Variants in LRRC4C observed in about 807,000 individuals in gnomAD.
The protein encoded by LRRC4C is leucine-rich repeat-containing protein 4C.
Under a neutral mutation model 33.6 loss-of-function variants are expected in LRRC4C, and 5 were observed. The ratio of observed to expected loss-of-function variants is 0.15; its 90% confidence interval spans 0.08 to 0.31. LRRC4C has a LOEUF of 0.31. Ranked by LOEUF, LRRC4C falls within the 10% of genes least tolerant of loss-of-function variation. The pLI, the probability that LRRC4C is intolerant of heterozygous loss-of-function variation, is 1.00. For missense variants in LRRC4C, 560 were observed against 796.7 expected (o/e 0.70, Z 3.58); for synonymous variants, 329 against 302.0 (o/e 1.09, Z -0.93).
chr11:41,245,249 C>T (rs180861450), intron 1 of LRRC4C, among the ~76,000 whole-genome samples: 5 of 152,310 alleles, frequency 3.3e-5, no homozygotes, highest in Non-Finnish European at 5.9e-5. Context: ...GAGTTTTGCT[C>T]GGCCTGCTGG....
chr11:41,145,217 G>A (rs1211086359), intron 1 of LRRC4C, among the ~76,000 whole-genome samples: 1 of 152,024 alleles, frequency 6.6e-6, no homozygotes, highest in Admixed American at 6.6e-5. Context: ...ATACACTTTT[G>A]TCAATTTTTG....
chr11:41,340,818 C>A (rs1409013731), intron 1 of LRRC4C, among the ~76,000 whole-genome samples: 7 of 152,184 alleles, frequency 4.6e-5, no homozygotes, highest in African/African-American at 1.7e-4. Flanking sequence ...TGTGCACTTA[C>A]TAAATACTAG....
chr11:40,786,950 G>C lies in LRRC4C; in HGVS notation c.-406-138672C>G, dbSNP rs190125596. On this transcript the variant is annotated intron_variant, in intron 2 of 6. Coordinates refer to ENST00000528697, the MANE Select transcript of LRRC4C (RefSeq NM_001258419.2). ...AAGTAGGTCTTGGTCAAGGTTTTTG[G>C]TTCCTCCCTTGAGAAATCCTCAATA... Among the ~76,000 whole-genome samples, 11 of 152,090 alleles carry C rather than the reference G, an allele frequency of 7.2e-5. No individual in the cohort carries two copies. The South Asian group carries it at 2.3e-3, about 32-fold the overall frequency.
chr11:40,135,277 C>G (rs758807108), intron 6 of LRRC4C, among the ~76,000 whole-genome samples: 1 of 152,112 alleles, frequency 6.6e-6, no homozygotes, highest in Non-Finnish European at 1.5e-5. Flanking sequence ...TAAGGCAGTC[C>G]TCATTTTGCT....
intron 3 of LRRC4C, among the ~76,000 whole-genome samples, chr11:40,354,941 C>T (rs1375997522): frequency 6.6e-6 from 1 of 152,082 alleles, no homozygotes; most frequent in East Asian, 1.9e-4. Flanking sequence ...TAGGAATGTG[C>T]TGGGTCACAC....
At chr11:41,191,496 A>G (rs1201544137) in intron 1 of LRRC4C, among the ~76,000 whole-genome samples, 1 of 152,166 alleles carries the variant, frequency 6.6e-6, no homozygotes, top group Admixed American at 6.6e-5. Context: ...AGTGGACACC[A>G]GTTTCTATCA....
chr11:41,399,126 T>G (rs1454130244), intron 1 of LRRC4C, among the ~76,000 whole-genome samples: 1 of 152,000 alleles, frequency 6.6e-6, no homozygotes, highest in East Asian at 1.9e-4. Flanking sequence ...CATATGAGAT[T>G]GCACCTCAGT....
chr11:41,349,062 T>C (rs1951890901), intron 1 of LRRC4C, among the ~76,000 whole-genome samples: 1 of 152,162 alleles, frequency 6.6e-6, no homozygotes, highest in Non-Finnish European at 1.5e-5. Flanking sequence ...GTCTTTCCTG[T>C]AGGATGGGGT....
chr11:41,040,978 C>T (rs1167732192), intron 1 of LRRC4C, among the ~76,000 whole-genome samples: 1 of 152,086 alleles, frequency 6.6e-6, no homozygotes, highest in Non-Finnish European at 1.5e-5. Context: ...CACCATCACA[C>T]CACCTGGGTT....
chr11:40,678,867 G>C (rs1375920114), intron 2 of LRRC4C, among the ~76,000 whole-genome samples: 4 of 151,904 alleles, frequency 2.6e-5, no homozygotes, highest in Non-Finnish European at 4.4e-5. Flanking sequence ...TACTGGGTAG[G>C]GGGGTGCTAC....
At chr11:40,862,202 A>G (rs1000038928) in intron 2 of LRRC4C, among the ~76,000 whole-genome samples, 1 of 152,220 alleles carries the variant, frequency 6.6e-6, no homozygotes, top group Non-Finnish European at 1.5e-5. Flanking sequence ...ACACTATTCT[A>G]TAGTATATTA....
chr11:41,015,121 T>C (rs575713978), intron 1 of LRRC4C, among the ~76,000 whole-genome samples: 10 of 152,322 alleles, frequency 6.6e-5, no homozygotes, highest in Admixed American at 4.6e-4. Context: ...GAACATTCTC[T>C]AGTTTAAATG....
chr11:40,486,241 A>G (rs1473835186), intron 3 of LRRC4C, among the ~76,000 whole-genome samples: 3 of 151,816 alleles, frequency 2.0e-5, no homozygotes, highest in African/African-American at 7.3e-5. Context: ...GATGAAAACT[A>G]CACATAAGTT....
At chr11:40,558,333 G>T (rs1957409848) in intron 3 of LRRC4C, among the ~76,000 whole-genome samples, 1 of 152,124 alleles carries the variant, frequency 6.6e-6, no homozygotes, top group African/African-American at 2.4e-5. Context: ...TCAGCGTAGG[G>T]ATACAATTTT....
At chr11:41,235,344 G>T (rs10768673) in intron 1 of LRRC4C, among the ~76,000 whole-genome samples, 1 of 151,714 alleles carries the variant, frequency 6.6e-6, no homozygotes, top group Non-Finnish European at 1.5e-5. Context: ...TTCCATTTGC[G>T]TAGTTACTTT....
At chr11:40,514,187 G>A (rs952291208) in intron 3 of LRRC4C, among the ~76,000 whole-genome samples, 2 of 152,210 alleles carry the variant, frequency 1.3e-5, no homozygotes, top group African/African-American at 2.4e-5. Flanking sequence ...AATTGCATAC[G>A]TTCATGAACC....
chr11:41,268,233 T>C (rs1949213283), intron 1 of LRRC4C, among the ~76,000 whole-genome samples: 1 of 152,124 alleles, frequency 6.6e-6, no homozygotes, highest in Admixed American at 6.6e-5. Context: ...GTCGTATTCT[T>C]AGCAGTCTCC....
chr11:41,374,648 A>G (rs1952872428), intron 1 of LRRC4C, among the ~76,000 whole-genome samples: 1 of 152,210 alleles, frequency 6.6e-6, no homozygotes, highest in Non-Finnish European at 1.5e-5. Flanking sequence ...TTTAAACAGG[A>G]CAATAGTAAA....
chr11:40,256,381 G>A (rs1384390828), intron 4 of LRRC4C, among the ~76,000 whole-genome samples: 1 of 152,148 alleles, frequency 6.6e-6, no homozygotes, highest in African/African-American at 2.4e-5. Flanking sequence ...GTTGTGGGGA[G>A]TGTTGGGAAG....
Sources: gnomAD v4.1 joint callset for allele counts (sites outside exome capture counted in the v4.1 genomes callset) on GRCh38, gnomAD v4.1.1 for gene constraint, MANE v1.5 for transcripts, NCBI Gene and HGNC (gene_info 2026-07-23, HGNC 2026-07-21) for gene names.